Variants in ISM1 observed in about 807,000 individuals in gnomAD.
The protein encoded by ISM1 is isthmin-1.
A neutral mutation model predicts 46.3 loss-of-function variants in ISM1; 25 were observed. The observed-to-expected ratio is 0.54, with a 90% CI of 0.39 to 0.75. The LOEUF is 0.75. ISM1 is among the 30% of genes least tolerant of loss of function. The probability of loss-of-function intolerance (pLI) is 0.00; values close to 1 mark genes in which losing one functional copy is unlikely to be tolerated. For missense variants in ISM1, 536 were observed against 625.4 expected, an observed-to-expected ratio of 0.86 and a Z score of 1.52; for synonymous variants, 255 against 256.7, an observed-to-expected ratio of 0.99 and a Z score of 0.06.
the ISM1 span, among the ~76,000 whole-genome samples, chr20:13,306,564 C>CAAAAAAAAAA: frequency 2.0e-4 from 13 of 63,904 alleles, no homozygotes; most frequent in East Asian, 5.3e-4. Flanking sequence ...GGAGAAAGGA[C>CAAAAAAAAAA]AAAAAAAAAA....
At chr20:13,277,328 C>G (rs762643104) in intron 2 of ISM1, among the ~76,000 whole-genome samples, 36 of 152,170 alleles carry the variant, frequency 2.4e-4, no homozygotes, top group Non-Finnish European at 4.3e-4. Context: ...ATTTCATTAC[C>G]ATAATTGTGG....
intron 1 of ISM1, among the ~76,000 whole-genome samples, chr20:13,252,127 T>C (rs2039874888): frequency 6.6e-6 from 1 of 152,156 alleles, no homozygotes; most frequent in Admixed American, 6.5e-5. Flanking sequence ...CTACGGAGCC[T>C]TAAGACACAA....
intron 4 of ISM1, 58 bp from the exon 5 acceptor site, chr20:13,292,316 T>TG (rs1195302105): frequency 9.9e-7 from 1 of 1,008,672 alleles, no homozygotes; most frequent in Non-Finnish European, 1.5e-6. Flanking sequence ...ATTGTTGGGG[T>TG]GGGGGAGATA....
rs200887436 is a variant in ISM1, at chr20:13,289,631, AGAG to A, written c.787+949_787+951del. 4.0e-3 allele frequency among the ~76,000 whole-genome samples: 612 copies of A among 152,024 alleles called. 2 individuals carry two copies. The highest frequency in any genetic ancestry group is 0.012 in the African/African-American group (492 of 41,450). ...AGAAGAAAGAGAAGGAGGAGGAAGAAGAGAAGGGGAAGGGCATGGAGGAAGAGA... is the reference window on the plus strand; with the variant it reads ...AGAAGAAAGAGAAGGAGGAGGAAGAAAAGGGGAAGGGCATGGAGGAAGAGA... On this transcript the variant is annotated intron_variant, in intron 4 of 5. Transcript: ENST00000262487.
At chr20:13,265,469 G>C (rs1360440178) in intron 1 of ISM1, among the ~76,000 whole-genome samples, 1 of 152,058 alleles carries the variant, frequency 6.6e-6, no homozygotes, top group Non-Finnish European at 1.5e-5. Context: ...CAAATTCTCT[G>C]ATCTGTGAGC....
chr20:13,285,000 C>T (rs555960584), intron 3 of ISM1, among the ~76,000 whole-genome samples: 1 of 152,238 alleles, frequency 6.6e-6, no homozygotes, highest in African/African-American at 2.4e-5. Context: ...AGAAAACCAC[C>T]CCCAGGCCAG....
In ISM1 at chr20:13,221,939, G is replaced by T. The variant is rs535041758; in HGVS notation, c.138+25G>T. The T allele has an allele frequency of 2.9e-4, 382 of 1,315,000 alleles. 1 individual carries two copies. The African/African-American group carries it at 5.0e-3, about 17-fold the overall frequency. 81.5% of individuals were successfully genotyped at this position (1,315,000 alleles called of 1,614,324 possible). On this transcript the variant is annotated intron_variant, in intron 1 of 5. Coordinates refer to ENST00000262487, the MANE Select transcript of ISM1 (RefSeq NM_080826.2). The stretch of plus-strand genomic sequence containing the variant: ...GGTGAGTGCGCCGCCGGAGAGGGCC[G>T]TGCGCGGCTGCGGGGACGGTTTGTG...
At chr20:13,305,236 T>C (rs2040491134), downstream of ISM1, among the ~76,000 whole-genome samples, 1 of 151,922 alleles carries the variant, frequency 6.6e-6, no homozygotes, top group African/African-American at 2.4e-5. Context: ...ATTTTTATTA[T>C]TAGATTCAAC....
chr20:13,290,272 GA>G (rs1344370314), intron 4 of ISM1, among the ~76,000 whole-genome samples: 1 of 151,626 alleles, frequency 6.6e-6, no homozygotes, highest in East Asian at 1.9e-4. Flanking sequence ...TGAGGAGGAG[GA>G]AGAGGGAAAC....
chr20:13,232,774 C>A (rs1469713063), intron 1 of ISM1, among the ~76,000 whole-genome samples: 1 of 152,172 alleles, frequency 6.6e-6, no homozygotes, highest in African/African-American at 2.4e-5. Context: ...TGGAAAACTT[C>A]ACAGCATTTG....
At chr20:13,293,401 G>A (rs2040374649) in intron 5 of ISM1, among the ~76,000 whole-genome samples, 1 of 152,016 alleles carries the variant, frequency 6.6e-6, no homozygotes, top group African/African-American at 2.4e-5. Flanking sequence ...TTGTAGAAGG[G>A]TAAAATTCCT....
chr20:13,243,950 G>T (rs1002006509), intron 1 of ISM1: 1 of 152,204 alleles, frequency 6.6e-6, no homozygotes, highest in Non-Finnish European at 1.5e-5. Flanking sequence ...TTTGCTTAGT[G>T]GAATGAGGAT....
At chr20:13,257,518 T>C (rs575902594) in intron 1 of ISM1, among the ~76,000 whole-genome samples, 32 of 152,182 alleles carry the variant, frequency 2.1e-4, no homozygotes, top group Non-Finnish European at 4.3e-4. Context: ...TGAATAGCTC[T>C]CATGTTTACA....
rs966450712 is a variant in ISM1 at position 13,293,072 on chromosome 20, C to T, written c.877+609C>T. Among the ~76,000 whole-genome samples the T allele has an allele frequency of 6.6e-5, 10 of 151,916 alleles. No homozygotes were observed. The East Asian group carries it at 7.8e-4, about 12-fold the overall frequency. On this transcript the variant is annotated intron_variant, in intron 5 of 5. Coordinates refer to ENST00000262487, the MANE Select transcript of ISM1 (RefSeq NM_080826.2). ...AAAATTAGCTGGGCATGGTGGCAGG[C>T]GCCTGTAGTCCCAGCTACTCGGGAG...
At chr20:13,224,165 T>G (rs1568659100) in intron 1 of ISM1, among the ~76,000 whole-genome samples, 1 of 152,150 alleles carries the variant, frequency 6.6e-6, no homozygotes, top group African/African-American at 2.4e-5. Flanking sequence ...TAGTGTTCGG[T>G]GAGACTGTCC....
intron 3 of ISM1, among the ~76,000 whole-genome samples, chr20:13,283,666 G>A (rs75677896): frequency 0.061 from 9,272 of 150,996 alleles, 400 homozygotes; most frequent in Non-Finnish European, 0.09. Flanking sequence ...TAGATACTTG[G>A]GGTATCCAGG....
chr20:13,279,445 A>T (rs148715476), intron 2 of ISM1, among the ~76,000 whole-genome samples, 189 bp from the exon 3 acceptor site: 197 of 152,264 alleles, frequency 1.3e-3, no homozygotes, highest in African/African-American at 4.5e-3. Flanking sequence ...GCCATGTTCC[A>T]TCTAGCCGTG....
intron 1 of ISM1, among the ~76,000 whole-genome samples, chr20:13,235,494 T>A (rs1303814874): frequency 1.3e-5 from 2 of 152,138 alleles, no homozygotes; most frequent in Non-Finnish European, 2.9e-5. Context: ...CAGGGCTGTG[T>A]TGAGAAGCTG....
At chr20:13,274,072 T>C (rs964624921) in intron 2 of ISM1, among the ~76,000 whole-genome samples, 1 of 151,578 alleles carries the variant, frequency 6.6e-6, no homozygotes, top group Middle Eastern at 3.2e-3. Context: ...TGTGTGTGTG[T>C]GTGTGTATGT....
Sources: allele counts gnomAD v4.1 joint callset (sites outside exome capture counted in the v4.1 genomes callset), GRCh38; gene constraint gnomAD v4.1.1; transcripts MANE v1.5; gene names NCBI Gene and HGNC (gene_info 2026-07-23, HGNC 2026-07-21).